Variants in PDE4B observed in about 807,000 individuals in gnomAD.
PDE4B encodes the protein phosphodiesterase 4B.
Under a neutral mutation model 82.2 loss-of-function variants are expected in PDE4B, and 20 were observed. The observed-to-expected ratio is 0.24, with a 90% CI of 0.17 to 0.35. The LOEUF (loss-of-function observed/expected upper bound fraction) is 0.35. Among genes scored for constraint, PDE4B ranks in the 10% least tolerant of loss-of-function variants. PDE4B has a pLI of 1.00. For synonymous variants in PDE4B, 320 were observed against 318.9 expected (o/e 1.00, Z -0.04); for missense variants, 655 against 907.2 (o/e 0.72, Z 3.57).
intron 3 of PDE4B, among the ~76,000 whole-genome samples, chr1:66,156,229 C>T (rs1557599061): frequency 6.6e-6 from 1 of 152,120 alleles, no homozygotes; most frequent in Non-Finnish European, 1.5e-5. Flanking sequence ...AGGGTGAGTT[C>T]ATTGGTACAT....
chr1:66,303,914 G>T (rs1266805151), intron 7 of PDE4B, among the ~76,000 whole-genome samples: 1 of 152,112 alleles, frequency 6.6e-6, no homozygotes, highest in Non-Finnish European at 1.5e-5. Context: ...TGCTTATGTG[G>T]TTATTTATAA....
At chr1:65,954,696 G>A (rs943053617) in intron 3 of PDE4B, among the ~76,000 whole-genome samples, 2 of 151,966 alleles carry the variant, frequency 1.3e-5, no homozygotes, top group South Asian at 4.1e-4. Context: ...AAAAACAGAA[G>A]TATGATGCTT....
chr1:66,176,446 C>A (rs1279502812), intron 3 of PDE4B, among the ~76,000 whole-genome samples: 3 of 152,312 alleles, frequency 2.0e-5, no homozygotes, highest in African/African-American at 7.2e-5. Flanking sequence ...TAAGACTTCC[C>A]TCTTAAATAA....
At chr1:65,877,102 A>C (rs1646653539) in intron 1 of PDE4B, among the ~76,000 whole-genome samples, 2 of 152,154 alleles carry the variant, frequency 1.3e-5, no homozygotes, top group Non-Finnish European at 2.9e-5. Flanking sequence ...CCAAGACAAT[A>C]CTAAGCAAAA....
At chr1:65,867,217 A>G (rs1289967225) in intron 1 of PDE4B, among the ~76,000 whole-genome samples, 1 of 152,202 alleles carries the variant, frequency 6.6e-6, no homozygotes, top group Non-Finnish European at 1.5e-5. Flanking sequence ...ACAAAGGGAC[A>G]TTTAAATGAG....
intron 3 of PDE4B, among the ~76,000 whole-genome samples, chr1:66,210,140 A>C (rs531817880): frequency 6.6e-6 from 1 of 152,330 alleles, no homozygotes; most frequent in East Asian, 1.9e-4. Context: ...GTATTTAATT[A>C]TACATTTACA....
chr1:66,178,877 G>A (rs1646994628), intron 3 of PDE4B, among the ~76,000 whole-genome samples: 1 of 151,974 alleles, frequency 6.6e-6, no homozygotes, highest in South Asian at 2.1e-4. Context: ...TTGAGACGGA[G>A]TTTCAATCTT....
At chr1:66,134,446 C>T (rs1646015000) in intron 3 of PDE4B, among the ~76,000 whole-genome samples, 1 of 152,162 alleles carries the variant, frequency 6.6e-6, no homozygotes, top group Admixed American at 6.5e-5. Flanking sequence ...TATTTCAGGG[C>T]TGGAGGAAAC....
chr1:65,946,381 C>G (rs1648713445), intron 3 of PDE4B, among the ~76,000 whole-genome samples: 1 of 151,892 alleles, frequency 6.6e-6, no homozygotes, highest in Non-Finnish European at 1.5e-5. Context: ...TGGCTTGTAG[C>G]ATTTGGTGGC....
chr1:66,068,312 C>T (rs1336432609), intron 3 of PDE4B, among the ~76,000 whole-genome samples: 3 of 151,522 alleles, frequency 2.0e-5, no homozygotes, highest in South Asian at 2.1e-4. Flanking sequence ...GCAAAGCAGG[C>T]GTTGAAAGAG....
chr1:66,354,907 G>A, intron 8 of PDE4B: 1 of 1,534,760 alleles, frequency 6.5e-7, no homozygotes, highest in Middle Eastern at 1.7e-4. Flanking sequence ...GGGTTAATTT[G>A]ATTGTGTTCT....
chr1:66,040,637 T>A (rs958861110), intron 3 of PDE4B, among the ~76,000 whole-genome samples: 3 of 152,026 alleles, frequency 2.0e-5, no homozygotes, highest in African/African-American at 7.2e-5. Flanking sequence ...ATAAAAGTAG[T>A]TGCATTTCTA....
At chr1:65,899,539 C>T (rs763281944) in intron 1 of PDE4B, among the ~76,000 whole-genome samples, 19 of 151,134 alleles carry the variant, frequency 1.3e-4, no homozygotes, top group Non-Finnish European at 2.8e-4. Context: ...TATAGCTGCA[C>T]AATTCGCAAT....
chr1:66,218,625 A>C (rs901884171), intron 3 of PDE4B, among the ~76,000 whole-genome samples: 4 of 152,064 alleles, frequency 2.6e-5, no homozygotes, highest in African/African-American at 9.7e-5. Flanking sequence ...AGCCCAGAAG[A>C]TGTTAATCTT....
intron 9 of PDE4B, 22 bp downstream of exon 9, chr1:66,355,642 A>T: frequency 7.0e-7 from 1 of 1,427,862 alleles, no homozygotes. Flanking sequence ...ACTGGGAAAA[A>T]CCTGTTTTAT....
chr1:65,816,072 T>C (rs1330977556), intron 1 of PDE4B, among the ~76,000 whole-genome samples: 1 of 152,146 alleles, frequency 6.6e-6, no homozygotes, highest in Non-Finnish European at 1.5e-5. Flanking sequence ...AGAAGAATCT[T>C]GGAAGGTCCA....
At chr1:66,226,217 C>A (rs1332320308) in intron 3 of PDE4B, among the ~76,000 whole-genome samples, 2 of 152,132 alleles carry the variant, frequency 1.3e-5, no homozygotes, top group African/African-American at 2.4e-5. Flanking sequence ...TCTTGTCTGA[C>A]CAGTTTTATT....
intron 2 of PDE4B, among the ~76,000 whole-genome samples, chr1:65,916,403 T>C (rs1160597853): frequency 6.6e-6 from 1 of 152,014 alleles, no homozygotes; most frequent in African/African-American, 2.4e-5. Context: ...ATGGTAATAG[T>C]TCTTTTTTCT....
At chr1:66,108,858 CA>C (rs1350141954) in intron 3 of PDE4B, among the ~76,000 whole-genome samples, 1 of 151,932 alleles carries the variant, frequency 6.6e-6, no homozygotes, top group African/African-American at 2.4e-5. Flanking sequence ...TCAAATCAAA[CA>C]AATGATTTGA....
Sources: gnomAD v4.1 joint callset for allele counts (sites outside exome capture counted in the v4.1 genomes callset) on GRCh38, gnomAD v4.1.1 for gene constraint, MANE v1.5 for transcripts, NCBI Gene and HGNC (gene_info 2026-07-23, HGNC 2026-07-21) for gene names.